GAREM1: variants seen among roughly 807,000 people sequenced by gnomAD.
GAREM1 encodes GRB2-associated and regulator of MAPK protein 1.
GAREM1 carries 26 observed loss-of-function variants against 71.3 expected under a neutral mutation model. The ratio of observed to expected loss-of-function variants is 0.36; its 90% CI spans 0.27 to 0.51. The LOEUF (loss-of-function observed/expected upper bound fraction) is 0.51. GAREM1 is among the 20% of genes least tolerant of loss of function. GAREM1 has a pLI of 0.95. For missense variants in GAREM1, 1,026 were observed against 1,103.1 expected (o/e 0.93, Z 0.99); for synonymous variants, 440 against 433.2 (o/e 1.02, Z -0.20).
intron 1 of GAREM1, among the ~76,000 whole-genome samples, chr18:32,415,821 T>C (rs1030421706): frequency 3.7e-4 from 56 of 152,046 alleles, no homozygotes; most frequent in African/African-American, 1.3e-3. Flanking sequence ...ACACAACAAG[T>C]AAGTCCATTG....
chr18:32,403,807 T>A (rs780817682), intron 1 of GAREM1, among the ~76,000 whole-genome samples: 10 of 152,212 alleles, frequency 6.6e-5, no homozygotes, highest in Non-Finnish European at 1.5e-4. Flanking sequence ...TATGCTGAAT[T>A]TATAGGTTTG....
At chr18:32,460,259 C>T (rs2048942936) in intron 1 of GAREM1, among the ~76,000 whole-genome samples, 1 of 152,080 alleles carries the variant, frequency 6.6e-6, no homozygotes, top group Non-Finnish European at 1.5e-5. Flanking sequence ...TTCCTCTCAA[C>T]ACTATATAAC....
At chr18:32,303,882 C>T (rs2047222907) in intron 3 of GAREM1, among the ~76,000 whole-genome samples, 1 of 150,894 alleles carries the variant, frequency 6.6e-6, no homozygotes, top group Non-Finnish European at 1.5e-5. Flanking sequence ...GATAGTGCCA[C>T]TGCACTCCAG....
Position 32,287,640 on chromosome 18 carries a change from G to A in GAREM1, c.957C>T (p.Pro319=), listed in dbSNP as rs765838313. 2.5e-6 allele frequency: 4 copies of A among 1,614,136 alleles called. No individual in the cohort carries two copies. Among genetic ancestry groups the A allele is most frequent in the East Asian group, 2.2e-5 (1 of 44,876 alleles). ...CTAGCCAGTGATGGACCAGGGTTTCGGGCCAGCTCTCTCCCTTCACCAGGT... is the reference window on the plus strand; with the variant it reads ...CTAGCCAGTGATGGACCAGGGTTTCAGGCCAGCTCTCTCCCTTCACCAGGT... ...PEHLVKGESW[P]ETLVHHWLGI... is the part of the protein sequence containing the mutation. The change falls in exon 4 of 6, where the codon CCC becomes CCT. Residue 319 remains proline (P), a synonymous_variant. Transcript: ENST00000269209. This position sits in a 1 kb window ranked among gnomAD's most constrained non-coding sequence, Gnocchi z 5.9.
intron 4 of GAREM1, among the ~76,000 whole-genome samples, chr18:32,284,041 CT>C (rs2046982603): frequency 1.3e-5 from 2 of 152,156 alleles, no homozygotes; most frequent in Non-Finnish European, 2.9e-5. Context: ...ATCCAAATAA[CT>C]TTTACTTAAT....
At chr18:32,356,919 C>T (rs181898304) in intron 2 of GAREM1, among the ~76,000 whole-genome samples, 1 of 152,272 alleles carries the variant, frequency 6.6e-6, no homozygotes, top group African/African-American at 2.4e-5. Context: ...CAATCAATGG[C>T]TTTCCATTGT....
At chr18:32,426,865 AT>A (rs1268605791) in intron 1 of GAREM1, among the ~76,000 whole-genome samples, 2 of 152,152 alleles carry the variant, frequency 1.3e-5, no homozygotes, top group African/African-American at 2.4e-5. Context: ...ATGGCATTAT[AT>A]TTTTTAAAAA....
chr18:32,337,525 G>A (rs566348726), intron 2 of GAREM1, among the ~76,000 whole-genome samples: 18 of 152,298 alleles, frequency 1.2e-4, no homozygotes, highest in African/African-American at 4.3e-4. Context: ...GCTGCCTGAG[G>A]CTTACGGCTT....
chr18:32,327,707 A>G (rs1486186221), intron 2 of GAREM1, among the ~76,000 whole-genome samples: 2 of 152,228 alleles, frequency 1.3e-5, no homozygotes, highest in African/African-American at 4.8e-5. Context: ...ATTTTTAAAA[A>G]CAACCTCATT....
In GAREM1 at chr18:32,448,203, T is replaced by C. The variant is rs1376981411; in HGVS notation, c.121+22105A>G. Among the ~76,000 whole-genome samples the C allele has an allele frequency of 2.0e-5, 3 of 152,316 alleles. No homozygotes were observed. The South Asian group carries it at 6.2e-4, about 32-fold the overall frequency. ...ACACAGGTGGAGGGTGGTCCATGAA[T>C]ACTTTGAAATTATGTGAAGAACTGT... On this transcript the variant is annotated intron_variant, in intron 1 of 5. Coordinates refer to ENST00000269209, the MANE Select transcript of GAREM1 (RefSeq NM_001242409.2).
chr18:32,342,445 T>C (rs1013752158), intron 2 of GAREM1, among the ~76,000 whole-genome samples: 4 of 152,160 alleles, frequency 2.6e-5, no homozygotes, highest in Non-Finnish European at 4.4e-5. Flanking sequence ...ACACACAACC[T>C]TGCATGATCC....
chr18:32,349,347 T>A (rs1419433394), intron 2 of GAREM1, among the ~76,000 whole-genome samples: 3 of 152,222 alleles, frequency 2.0e-5, no homozygotes, highest in African/African-American at 7.2e-5. Flanking sequence ...GCCATCTCTC[T>A]AAATAAGTTT....
At chr18:32,422,782 C>A (rs540338613) in intron 1 of GAREM1, among the ~76,000 whole-genome samples, 45 of 152,234 alleles carry the variant, frequency 3.0e-4, no homozygotes, top group Non-Finnish European at 5.9e-4. Flanking sequence ...TTTTTTAAAG[C>A]AACAACTTTG....
chr18:32,433,177 G>T (rs1185400080), intron 1 of GAREM1, among the ~76,000 whole-genome samples: 1 of 147,644 alleles, frequency 6.8e-6, no homozygotes, highest in East Asian at 1.9e-4. Flanking sequence ...CCCCACACAG[G>T]ATCGTATCAA....
rs1004548318 is a variant in GAREM1 at position 32,444,406 on chromosome 18, T to A, written c.121+25902A>T. Among the ~76,000 whole-genome samples the A allele has an allele frequency of 2.6e-5, 4 of 152,208 alleles. No individual in the cohort carries two copies. The South Asian group carries it at 8.3e-4, about 32-fold the overall frequency. ...AGGCTTGCTTAAATGCCAATGGCTC[T>A]GTGAACCTCAGTTGCCACCTATGTT... On this transcript the variant is annotated intron_variant, in intron 1 of 5. Transcript: ENST00000269209.
chr18:32,356,633 T>C (rs911713169), intron 2 of GAREM1, among the ~76,000 whole-genome samples: 2 of 152,214 alleles, frequency 1.3e-5, no homozygotes, highest in African/African-American at 4.8e-5. Context: ...AAGTGTCTTA[T>C]ATATCATATA....
chr18:32,310,346 G>C, intron 2 of GAREM1, 23 bp from the exon 3 acceptor site: 1 of 1,613,034 alleles, frequency 6.2e-7, no homozygotes. Context: ...ATAAACAGAA[G>C]AGATCTAAGA....
intron 1 of GAREM1, among the ~76,000 whole-genome samples, chr18:32,399,809 T>C (rs1171412198): frequency 5.3e-5 from 8 of 152,090 alleles, no homozygotes; most frequent in East Asian, 3.9e-4. Flanking sequence ...CTTCACAGAA[T>C]TGGAAAAAAC....
At chr18:32,400,908 A>G (rs978974128) in intron 1 of GAREM1, among the ~76,000 whole-genome samples, 11 of 151,646 alleles carry the variant, frequency 7.3e-5, no homozygotes, top group Admixed American at 7.2e-4. Flanking sequence ...ACAATAGCAA[A>G]GACTTGGAAC....
Sources: allele counts gnomAD v4.1 joint callset (sites outside exome capture counted in the v4.1 genomes callset), GRCh38; gene constraint gnomAD v4.1.1; non-coding constraint Gnocchi (gnomAD v3.1); transcripts MANE v1.5; gene names NCBI Gene and HGNC (gene_info 2026-07-23, HGNC 2026-07-21).